MALRD1: variants seen among roughly 807,000 people sequenced by gnomAD.
MALRD1 encodes MAM and LDL receptor class A domain containing 1.
A neutral mutation model predicts 242.1 loss-of-function variants in MALRD1; 247 were observed. The observed-to-expected ratio is 1.02, with a 90% CI of 0.92 to 1.13. The LOEUF (loss-of-function observed/expected upper bound fraction) is 1.13, where lower values mean the gene tolerates loss of function less well. Ranked by LOEUF, MALRD1 falls within the 50% of genes most tolerant of loss-of-function variation. The probability of loss-of-function intolerance (pLI) is 0.00; values close to 1 mark genes in which losing one functional copy is unlikely to be tolerated. For synonymous variants in MALRD1, 995 were observed against 866.6 expected, an observed-to-expected ratio of 1.15 and a Z score of -2.60; for missense variants, 2,989 against 2,533.1, an observed-to-expected ratio of 1.18 and a Z score of -3.86.
chr10:19,162,958 C>A (rs1419755624), intron 12 of MALRD1, among the ~76,000 whole-genome samples: 1 of 149,340 alleles, frequency 6.7e-6, no homozygotes. Context: ...CATGGTGAAA[C>A]CTTCATCTCT....
intron 36 of MALRD1, among the ~76,000 whole-genome samples, chr10:19,621,708 A>C (rs1361722437): frequency 6.6e-6 from 1 of 151,864 alleles, no homozygotes. Context: ...AAGAGACCTG[A>C]ATTTACATAC....
intron 18 of MALRD1, among the ~76,000 whole-genome samples, chr10:19,242,382 G>A (rs369620734): frequency 1.3e-5 from 2 of 152,128 alleles, no homozygotes; most frequent in East Asian, 1.9e-4. Flanking sequence ...AGATTTGGGT[G>A]GGGATATACA....
At chr10:19,224,788 G>A (rs1837718544) in intron 18 of MALRD1, among the ~76,000 whole-genome samples, 1 of 152,096 alleles carries the variant, frequency 6.6e-6, no homozygotes, top group Non-Finnish European at 1.5e-5. Context: ...TGTAGGTTGT[G>A]TGTTCACTCC....
At chr10:19,109,619 C>G (rs1475090708) in intron 5 of MALRD1, among the ~76,000 whole-genome samples, 1 of 152,206 alleles carries the variant, frequency 6.6e-6, no homozygotes, top group Non-Finnish European at 1.5e-5. Flanking sequence ...AAGTAGATAG[C>G]TATAGCTTCT....
chr10:19,075,179 T>G (rs1482733495), intron 2 of MALRD1, among the ~76,000 whole-genome samples: 2 of 152,034 alleles, frequency 1.3e-5, no homozygotes, highest in African/African-American at 4.8e-5. Flanking sequence ...ATATTGCAAA[T>G]GGAAAAAGAG....
chr10:19,140,692 G>A (rs2131424634), intron 10 of MALRD1, among the ~76,000 whole-genome samples: 1 of 152,190 alleles, frequency 6.6e-6, no homozygotes, highest in Admixed American at 6.5e-5. Context: ...CCCAGACAGA[G>A]AAAGATAAAT....
chr10:19,052,058 C>T, intron 1 of MALRD1: 1 of 403,152 alleles, frequency 2.5e-6, no homozygotes, highest in Admixed American at 3.1e-5. Context: ...GAGTTAATAG[C>T]TTTGATGGCA....
At chr10:19,545,464 G>C (rs12355739) in intron 32 of MALRD1, among the ~76,000 whole-genome samples, 6 of 152,102 alleles carry the variant, frequency 3.9e-5, no homozygotes, top group African/African-American at 1.4e-4. Flanking sequence ...TAGATTTCTA[G>C]GTTGAAAATT....
intron 34 of MALRD1, among the ~76,000 whole-genome samples, chr10:19,604,361 G>A: frequency 6.6e-6 from 1 of 152,130 alleles, no homozygotes; most frequent in East Asian, 1.9e-4. Context: ...CTGTCAAAAT[G>A]GTGCAATGGG....
intron 33 of MALRD1, among the ~76,000 whole-genome samples, chr10:19,594,583 C>G (rs1426744800): frequency 6.6e-6 from 1 of 152,038 alleles, no homozygotes; most frequent in Non-Finnish European, 1.5e-5. Context: ...GGAACCAACC[C>G]AAATGCCCAT....
At chr10:19,248,235 C>G (rs1486378820) in intron 18 of MALRD1, among the ~76,000 whole-genome samples, 1 of 151,810 alleles carries the variant, frequency 6.6e-6, no homozygotes, top group Non-Finnish European at 1.5e-5. Context: ...TTAATTTAAT[C>G]TAACAGTTTC....
chr10:19,692,390 C>T (rs1306720269), intron 37 of MALRD1, 29 bp downstream of exon 37: 1 of 1,532,068 alleles, frequency 6.5e-7, no homozygotes, highest in African/African-American at 1.4e-5. Flanking sequence ...AAATAAATGG[C>T]TTGGTTTGGG....
chr10:19,380,540 C>CA (rs951665350), intron 26 of MALRD1, among the ~76,000 whole-genome samples: 3 of 151,934 alleles, frequency 2.0e-5, no homozygotes, highest in African/African-American at 4.8e-5. Context: ...AGTAAAATCC[C>CA]AATTTACTGT....
intron 2 of MALRD1, among the ~76,000 whole-genome samples, chr10:19,073,482 T>C (rs890833101): frequency 6.6e-5 from 10 of 152,110 alleles, no homozygotes; most frequent in African/African-American, 2.4e-4. Context: ...AGGGCAAATA[T>C]GATGCCACAA....
intron 18 of MALRD1, among the ~76,000 whole-genome samples, chr10:19,242,460 C>G (rs1166329421): frequency 1.3e-5 from 2 of 152,068 alleles, no homozygotes; most frequent in African/African-American, 4.8e-5. Context: ...TAGTTTGAGT[C>G]TGTCATTTTT....
chr10:19,350,777 C>A (rs1844339711), intron 25 of MALRD1, among the ~76,000 whole-genome samples: 1 of 152,068 alleles, frequency 6.6e-6, no homozygotes, highest in Admixed American at 6.6e-5. Context: ...ACAAATAAGA[C>A]AAACAAAAGG....
intron 11 of MALRD1, among the ~76,000 whole-genome samples, chr10:19,154,752 C>T (rs545180268): frequency 6.2e-4 from 95 of 152,152 alleles, no homozygotes; most frequent in African/African-American, 1.6e-3. Flanking sequence ...TTCATAAGGG[C>T]CTGTTGAATA....
At chr10:19,237,987 G>A (rs915585251) in intron 18 of MALRD1, among the ~76,000 whole-genome samples, 1 of 44,928 alleles carries the variant, frequency 2.2e-5, no homozygotes, top group African/African-American at 8.5e-5. Flanking sequence ...ATAATTATAT[G>A]TAATTTTATA....
At chr10:19,530,357 A>T in intron 31 of MALRD1, among the ~76,000 whole-genome samples, 1 of 63,752 alleles carries the variant, frequency 1.6e-5, no homozygotes, top group South Asian at 5.6e-4. Flanking sequence ...AATATATAAT[A>T]TTTATATAAA....
Sources: gnomAD v4.1 joint callset for allele counts (sites outside exome capture counted in the v4.1 genomes callset) on GRCh38, gnomAD v4.1.1 for gene constraint, MANE v1.5 for transcripts, NCBI Gene and HGNC (gene_info 2026-07-23, HGNC 2026-07-21) for gene names.